Variants in ARFGEF2 observed in about 807,000 individuals in gnomAD.
ARFGEF2 encodes brefeldin A-inhibited guanine nucleotide-exchange protein 2.
In ARFGEF2, 74 loss-of-function variants were observed where a neutral mutation model predicts 219.9. The ratio of observed to expected loss-of-function variants is 0.34; its 90% CI spans 0.28 to 0.41. ARFGEF2 has a LOEUF of 0.41. Ranked by LOEUF, ARFGEF2 falls within the 10% of genes least tolerant of loss-of-function variation. ARFGEF2 has a pLI of 1.00. For synonymous variants in ARFGEF2, 733 were observed against 799.2 expected (o/e 0.92, Z 1.40); for missense variants, 1,743 against 2,218.3 (o/e 0.79, Z 4.30).
intron 26 of ARFGEF2, 50 bp from the exon 27 acceptor site, chr20:49,010,182 T>C (rs755647337): frequency 1.9e-6 from 3 of 1,585,774 alleles, no homozygotes; most frequent in African/African-American, 1.3e-5. Context: ...TTCATTTCTC[T>C]TCCCATTCTC....
At chr20:48,994,412 A>G (rs1327256793) in intron 21 of ARFGEF2, 39 bp from the exon 22 acceptor site, 2 of 1,612,550 alleles carry the variant, frequency 1.2e-6, no homozygotes, top group South Asian at 1.1e-5. Flanking sequence ...TTCTAGCTGT[A>G]AGGTAGGAAC....
At position 48,953,629 on chromosome 20, in the gene ARFGEF2, T is replaced by C; in HGVS notation, c.677T>C (p.Val226Ala). The change falls in exon 6 of 39, where the codon GTA becomes GCA. Residue 226 changes from valine to alanine, a missense_variant. Coordinates refer to ENST00000371917, the MANE Select transcript of ARFGEF2 (RefSeq NM_006420.3). The stretch of plus-strand genomic sequence containing the variant: ...TCCCCTGTGATCCAAGCTGCAGCAG[T>C]ATCCCCAAAGTTCGTTCGTTTGAAG... ...PQSPVIQAAA[V>A]SPKFVRLKHS... The C allele has an allele frequency of 6.2e-7, 1 of 1,614,168 alleles. No homozygotes were observed. The highest frequency in any genetic ancestry group is 8.5e-7 in the Non-Finnish European group (1 of 1,180,034).
chr20:48,985,457 T>G lies in ARFGEF2; in HGVS notation c.2120T>G (p.Val707Gly). The G allele has an allele frequency of 1.2e-6, 2 of 1,614,002 alleles. No individual in the cohort carries two copies. Among genetic ancestry groups the G allele is most frequent in the Non-Finnish European group, 1.7e-6 (2 of 1,180,000 alleles). Residue 707 changes from valine (V) to glycine (G), a missense_variant, in exon 16 of 39, where the codon GTG becomes GGG. Physicochemically the swap from Val to Gly is moderately radical, Grantham distance 109. Around this residue, in one of 5 missense-constraint regions of ARFGEF2, gnomAD observed 666 missense variants for 955.4 expected, o/e 0.70. Transcript: ENST00000371917. ...LGDSARFNKE[V>G]MYAYVDQLDF... ...GATAGCGCAAGGTTCAACAAGGAGGTGATGTATGCCTACGTGGACCAACTT... is the reference window on the plus strand; with the variant it reads ...GATAGCGCAAGGTTCAACAAGGAGGGGATGTATGCCTACGTGGACCAACTT...
At chr20:48,951,527 A>G in intron 4 of ARFGEF2, 58 bp downstream of exon 4, 1 of 1,609,596 alleles carries the variant, frequency 6.2e-7, no homozygotes, top group Non-Finnish European at 8.5e-7. Flanking sequence ...CCCTGTGGGA[A>G]TCTGGATTTC....
At chr20:48,966,132 C>A in intron 8 of ARFGEF2, 109 bp downstream of exon 8, 2 of 1,348,844 alleles carry the variant, frequency 1.5e-6, no homozygotes, top group Non-Finnish European at 2.1e-6. Context: ...AAGCCCTGTT[C>A]CTTTATTAGT....
At chr20:48,989,029 G>A (rs924988476) in intron 18 of ARFGEF2, among the ~76,000 whole-genome samples, 3 of 152,160 alleles carry the variant, frequency 2.0e-5, no homozygotes, top group Non-Finnish European at 4.4e-5. Context: ...GGTTTAGAGT[G>A]TGGCTCTAGA....
chr20:48,990,926 A>T, intron 20 of ARFGEF2, 114 bp from the exon 21 acceptor site: 4 of 1,177,464 alleles, frequency 3.4e-6, no homozygotes, highest in Non-Finnish European at 5.0e-6. Context: ...GCAGAAAGCC[A>T]GTCAATGTGC....
intron 20 of ARFGEF2, 91 bp from the exon 21 acceptor site, chr20:48,990,949 T>A (rs2091354189): frequency 3.6e-6 from 5 of 1,405,394 alleles, no homozygotes; most frequent in South Asian, 1.2e-5. Flanking sequence ...ACAAAAAGTA[T>A]CAGAGAAGCC....
chr20:49,004,889 C>T (rs2091448370), intron 25 of ARFGEF2, among the ~76,000 whole-genome samples, 181 bp from the exon 26 acceptor site: 1 of 152,194 alleles, frequency 6.6e-6, no homozygotes, highest in African/African-American at 2.4e-5. Context: ...CTGATTTCGT[C>T]ATTACACTTA....
At chr20:48,965,846 C>A in intron 7 of ARFGEF2, 26 bp from the exon 8 acceptor site, 1 of 1,613,806 alleles carries the variant, frequency 6.2e-7, no homozygotes. Flanking sequence ...ACTAATTTGG[C>A]TATGACTTTG....
intron 35 of ARFGEF2, among the ~76,000 whole-genome samples, chr20:49,024,251 G>A (rs1274806591): frequency 6.6e-6 from 1 of 152,188 alleles, no homozygotes; most frequent in African/African-American, 2.4e-5. Context: ...GGGATTGCAG[G>A]CGTGCACCAC....
At chr20:48,929,278 C>T (rs1045797191) in intron 1 of ARFGEF2, among the ~76,000 whole-genome samples, 1 of 152,138 alleles carries the variant, frequency 6.6e-6, no homozygotes, top group Admixed American at 6.5e-5. Flanking sequence ...GGTTTTATAC[C>T]TTTGTGAGGA....
rs143277734 is a variant in ARFGEF2, at chr20:48,973,148, C to T, written c.1529C>T (p.Ala510Val). Reference sequence around the variant, plus strand: ...TACTTGTATGTTATTTTCCAAGATGCCCAGTGTGTTGTGGATATTTATGTC... The same window carrying T: ...TACTTGTATGTTATTTTCCAAGATGTCCAGTGTGTTGTGGATATTTATGTC... ...IQTLTRICAD[A>V]QCVVDIYVNY... The change falls in exon 12 of 39, where the codon GCC becomes GTC. Residue 510 changes from alanine to valine, a missense_variant. By Grantham distance (64) the Ala-to-Val change is moderately conservative. This residue lies in a region of ARFGEF2 where 666 missense variants were observed against 955.4 expected (regional missense o/e 0.70). Transcript: ENST00000371917. The T allele has an allele frequency of 3.7e-6, 6 of 1,613,904 alleles. No homozygotes were observed. The highest frequency in any genetic ancestry group is 5.1e-6 in the Non-Finnish European group (6 of 1,179,952).
intron 8 of ARFGEF2, among the ~76,000 whole-genome samples, chr20:48,967,673 T>G (rs2091196583): frequency 6.6e-6 from 1 of 152,234 alleles, no homozygotes; most frequent in Admixed American, 6.5e-5. Context: ...TTAAGGCTTT[T>G]GACATTTAAC....
At chr20:48,975,696 G>A (rs957835960) in intron 13 of ARFGEF2, among the ~76,000 whole-genome samples, 2 of 151,478 alleles carry the variant, frequency 1.3e-5, no homozygotes, top group African/African-American at 4.9e-5. Flanking sequence ...AGGTGCTCTG[G>A]AGGCTGAGGC....
intron 1 of ARFGEF2, among the ~76,000 whole-genome samples, chr20:48,939,642 C>G (rs1452253949): frequency 6.6e-6 from 1 of 152,182 alleles, no homozygotes; most frequent in Non-Finnish European, 1.5e-5. Context: ...CTCTCTGACC[C>G]TGTGTGTCAC....
In ARFGEF2 at chr20:48,989,218, A is replaced by G; in HGVS notation, c.2534-67A>G. 4 of 1,560,710 alleles carry G rather than the reference A, an allele frequency of 2.6e-6. No homozygotes were observed. The South Asian group carries it at 3.3e-5, about 13-fold the overall frequency. ...AGTTAATCATTGTGCATCTTTTGAA[A>G]CAGTGTATGGCATGTAGCCAGCCCT... On this transcript the variant is annotated intron_variant, in intron 18 of 38. Coordinates refer to ENST00000371917, the MANE Select transcript of ARFGEF2 (RefSeq NM_006420.3).
At chr20:49,018,793 G>C (rs1047080519) in intron 33 of ARFGEF2, 91 bp from the exon 34 acceptor site, 1 of 1,001,616 alleles carries the variant, frequency 1.0e-6, no homozygotes, top group Middle Eastern at 2.1e-4. Flanking sequence ...CTTAAATACA[G>C]GCTGGACCAG....
At chr20:48,958,884 G>T (rs932004532) in intron 6 of ARFGEF2, among the ~76,000 whole-genome samples, 2 of 152,232 alleles carry the variant, frequency 1.3e-5, no homozygotes, top group African/African-American at 2.4e-5. Flanking sequence ...CAAGGGAAGG[G>T]AGTCGATTGG....
Sources: gnomAD v4.1 joint callset for allele counts (sites outside exome capture counted in the v4.1 genomes callset) on GRCh38, gnomAD v4.1.1 for gene constraint, gnomAD v4.1.1 regional missense constraint, MANE v1.5 for transcripts, NCBI Gene and HGNC (gene_info 2026-07-23, HGNC 2026-07-21) for gene names.